The following ADAMTS18 variants were observed in gnomAD, a reference collection of about 807,000 sequenced individuals.
ADAMTS18 encodes A disintegrin and metalloproteinase with thrombospondin motifs 18.
In ADAMTS18, 157 loss-of-function variants were observed where a neutral mutation model predicts 165.9. That is an observed-to-expected ratio of 0.95 (90% CI 0.83 to 1.08). ADAMTS18 has a LOEUF of 1.08. ADAMTS18 is among the 50% of genes least tolerant of loss of function. The probability of loss-of-function intolerance (pLI) is 0.00; values close to 1 mark genes in which losing one functional copy is unlikely to be tolerated. For synonymous variants in ADAMTS18, 782 were observed against 578.2 expected (o/e 1.35, Z -5.06); for missense variants, 2,040 against 1,534.0 (o/e 1.33, Z -5.51).
chr16:77,342,621 T>C (rs1047709443), intron 10 of ADAMTS18, among the ~76,000 whole-genome samples: 1 of 152,196 alleles, frequency 6.6e-6, no homozygotes, highest in Non-Finnish European at 1.5e-5. Context: ...AGTTTTCAAA[T>C]ATGTAGACAA....
intron 3 of ADAMTS18, among the ~76,000 whole-genome samples, chr16:77,399,458 G>A (rs929086656): frequency 1.3e-5 from 2 of 152,118 alleles, no homozygotes; most frequent in African/African-American, 4.8e-5. Context: ...GAAGCTAGAG[G>A]AGTTCTGACT....
intron 20 of ADAMTS18, among the ~76,000 whole-genome samples, chr16:77,292,317 G>A (rs565043079): frequency 1.3e-5 from 2 of 152,224 alleles, no homozygotes; most frequent in East Asian, 1.9e-4. Context: ...TTACTCCCCA[G>A]TATTTGTGAG....
At chr16:77,337,056 T>C (rs1204150511) in intron 11 of ADAMTS18, among the ~76,000 whole-genome samples, 2 of 152,244 alleles carry the variant, frequency 1.3e-5, no homozygotes, top group Non-Finnish European at 2.9e-5. Context: ...GCTAGCGCAC[T>C]CTATCTAGGT....
intron 16 of ADAMTS18, among the ~76,000 whole-genome samples, chr16:77,304,185 C>A (rs2055640895): frequency 6.6e-6 from 1 of 152,108 alleles, no homozygotes; most frequent in Non-Finnish European, 1.5e-5. Context: ...AGACACAAAG[C>A]AACAAAATTT....
rs149011305 is a variant in ADAMTS18 at position 77,347,863 on chromosome 16, T to C, written c.1614+5870A>G. Among the ~76,000 whole-genome samples the C allele has an allele frequency of 2.6e-5, 4 of 152,334 alleles. 1 individual carries two copies. The highest frequency in any genetic ancestry group is 9.6e-5 in the African/African-American group (4 of 41,576). On this transcript the variant is annotated intron_variant, in intron 10 of 22. Transcript: ENST00000282849. ...ATTTTAATTCTGCCATTTGCTCATA[T>C]AAAGCTTAGTAAAACATTTATTTTT... is the stretch of plus-strand genomic sequence containing the variant.
chr16:77,335,639 T>C lies in ADAMTS18; in HGVS notation c.1859+117A>G, dbSNP rs1018616209. The C allele has an allele frequency of 9.5e-6, 12 of 1,268,078 alleles. No individual in the cohort carries two copies. In the African/African-American group the frequency reaches 1.3e-4, roughly 14 times the overall value. The allele number at this position is 1,268,078 out of a possible 1,614,324, so 78.6% of individuals were successfully genotyped here. A position where few individuals can be genotyped will look rare whatever the true frequency, so the allele number is the denominator to read the frequency against. ...ACCCCATAAATATGTATAACCATTA[T>C]GTAGCCATAATAATTAAAAATAAAA... On this transcript the variant is annotated intron_variant, in intron 12 of 22. Coordinates refer to ENST00000282849, the MANE Select transcript of ADAMTS18 (RefSeq NM_199355.4).
rs977634511 is a variant in ADAMTS18, at chr16:77,322,585, G to A, written c.2033-119C>T. On this transcript the variant is annotated intron_variant, in intron 13 of 22. Coordinates refer to ENST00000282849, the MANE Select transcript of ADAMTS18 (RefSeq NM_199355.4). ...AGCTATCATGATGAATATGGAAAAT[G>A]TGTGTGTTTGCACATATAAGCCCAT... 38 of 1,293,076 alleles carry A rather than the reference G, an allele frequency of 2.9e-5. No homozygotes were observed. The East Asian group carries it at 4.1e-4, about 14-fold the overall frequency. The allele number at this position is 1,293,076 out of a possible 1,614,324, so 80.1% of individuals were successfully genotyped here.
At chr16:77,376,130 C>T (rs1360227177) in intron 3 of ADAMTS18, among the ~76,000 whole-genome samples, 1 of 151,906 alleles carries the variant, frequency 6.6e-6, no homozygotes, top group East Asian at 1.9e-4. Flanking sequence ...CTTGAACTCC[C>T]GATCTCAGGT....
intron 3 of ADAMTS18, among the ~76,000 whole-genome samples, chr16:77,372,891 C>A (rs921576461): frequency 3.3e-5 from 5 of 152,190 alleles, no homozygotes; most frequent in African/African-American, 1.2e-4. Context: ...CACTAATCAA[C>A]TTCTTCCATT....
At chr16:77,411,093 T>A (rs2057456858) in intron 3 of ADAMTS18, among the ~76,000 whole-genome samples, 1 of 152,208 alleles carries the variant, frequency 6.6e-6, no homozygotes, top group Admixed American at 6.5e-5. Flanking sequence ...TGGAACAGAG[T>A]AGTATGGCAG....
At chr16:77,409,013 T>G (rs2057427465) in intron 3 of ADAMTS18, among the ~76,000 whole-genome samples, 2 of 101,618 alleles carry the variant, frequency 2.0e-5, no homozygotes, top group South Asian at 5.9e-4. Flanking sequence ...TGTGCCTAAT[T>G]TATGTTAAAC....
chr16:77,292,403 C>T (rs1207708210), intron 20 of ADAMTS18, among the ~76,000 whole-genome samples: 1 of 152,158 alleles, frequency 6.6e-6, no homozygotes, highest in South Asian at 2.1e-4. Flanking sequence ...ACTAAATGTG[C>T]AGTCCCCTGT....
intron 3 of ADAMTS18, among the ~76,000 whole-genome samples, chr16:77,398,938 G>T (rs978277329): frequency 3.3e-5 from 5 of 152,186 alleles, no homozygotes; most frequent in African/African-American, 1.2e-4. Flanking sequence ...GCTGCAGGGA[G>T]ATGTTGAAAA....
At position 77,322,278 on chromosome 16, in the gene ADAMTS18, C is replaced by A. The variant is rs527685090; in HGVS notation, c.2163+58G>T. 64 of 1,599,130 alleles carry A rather than the reference C, an allele frequency of 4.0e-5. No homozygotes were observed. In the South Asian group the frequency reaches 6.4e-4, roughly 16 times the overall value. On this transcript the variant is annotated intron_variant, in intron 14 of 22. Transcript: ENST00000282849. ...CTCTCACACCACTGTTCACGGTACA[C>A]ACGATATGATAAAACACAAGCATGC...
At chr16:77,287,179 C>T (rs954021815) in intron 22 of ADAMTS18, among the ~76,000 whole-genome samples, 2 of 152,116 alleles carry the variant, frequency 1.3e-5, no homozygotes, top group Non-Finnish European at 2.9e-5. Flanking sequence ...TAGCAGAGTA[C>T]CGTACCTGGT....
intron 9 of ADAMTS18, among the ~76,000 whole-genome samples, chr16:77,355,639 A>C (rs1597162033): frequency 6.6e-6 from 1 of 152,292 alleles, no homozygotes; most frequent in Admixed American, 6.5e-5. Context: ...CTTACCAGCG[A>C]TAGTACCTTA....
At chr16:77,432,832 G>A (rs1464189811) in intron 2 of ADAMTS18, among the ~76,000 whole-genome samples, 1 of 151,032 alleles carries the variant, frequency 6.6e-6, no homozygotes, top group Admixed American at 6.6e-5. Flanking sequence ...ATGAGTGATG[G>A]CCTAATTAGG....
At chr16:77,324,629 C>T (rs973711737) in intron 13 of ADAMTS18, among the ~76,000 whole-genome samples, 11 of 152,056 alleles carry the variant, frequency 7.2e-5, no homozygotes, top group African/African-American at 2.4e-4. Context: ...AAGAATAAAA[C>T]GGGGTAAAGG....
In ADAMTS18 at chr16:77,326,032, C is replaced by A; in HGVS notation, c.1866G>T (p.Gln622His). The change falls in exon 13 of 23, where the codon CAG becomes CAT. Residue 622 changes from glutamine (Q) to histidine (H), a missense_variant. Coordinates refer to ENST00000282849, the MANE Select transcript of ADAMTS18 (RefSeq NM_199355.4). ...AACCTGGACAGAATAAGCCACCATACTGAGGCCTGAAAATGAAATTAATGA... is the reference window on the plus strand; with the variant it reads ...AACCTGGACAGAATAAGCCACCATAATGAGGCCTGAAAATGAAATTAATGA... ...QERHCNNPKP[Q>H]YGGLFCPGSS... 6.2e-7 allele frequency: 1 copy of A among 1,613,698 alleles called. No homozygotes were observed. The highest frequency in any genetic ancestry group is 8.5e-7 in the Non-Finnish European group (1 of 1,179,704).
Sources: allele counts gnomAD v4.1 joint callset (sites outside exome capture counted in the v4.1 genomes callset), GRCh38; gene constraint gnomAD v4.1.1; transcripts MANE v1.5; gene names NCBI Gene and HGNC (gene_info 2026-07-23, HGNC 2026-07-21).